The following RAB1A variants were observed in gnomAD, a reference collection of about 807,000 sequenced individuals.
The protein encoded by RAB1A is RAB1A, member RAS oncogene family.
A neutral mutation model predicts 26.0 loss-of-function variants in RAB1A; 2 were observed. The observed-to-expected ratio is 0.08, with a 90% CI of 0.03 to 0.24. The LOEUF (loss-of-function observed/expected upper bound fraction) is 0.24, where lower values mean the gene tolerates loss of function less well. Ranked by LOEUF, RAB1A falls within the 10% of genes least tolerant of loss-of-function variation. RAB1A has a pLI of 1.00. For synonymous variants in RAB1A, 84 were observed against 84.9 expected (o/e 0.99, Z 0.06); for missense variants, 100 against 247.0 (o/e 0.40, Z 3.99).
intron 1 of RAB1A, among the ~76,000 whole-genome samples, chr2:65,112,679 A>AT (rs1208240267): frequency 6.6e-6 from 1 of 152,246 alleles, no homozygotes; most frequent in East Asian, 1.9e-4. Flanking sequence ...TAAGAATGGC[A>AT]TAGAATAAGC....
chr2:65,089,740 T>A (rs1669126085), intron 4 of RAB1A, among the ~76,000 whole-genome samples: 1 of 147,076 alleles, frequency 6.8e-6, no homozygotes, highest in Admixed American at 7.2e-5. Flanking sequence ...TCTTGTTCTG[T>A]CATCCAGGCT....
chr2:65,102,325 T>C (rs933883603), intron 2 of RAB1A, among the ~76,000 whole-genome samples: 3 of 152,132 alleles, frequency 2.0e-5, no homozygotes, highest in Non-Finnish European at 4.4e-5. Flanking sequence ...CTATGTTTTA[T>C]TCTAGTACTC....
intron 2 of RAB1A, among the ~76,000 whole-genome samples, chr2:65,099,565 T>C (rs1669370220): frequency 6.6e-6 from 1 of 152,214 alleles, no homozygotes; most frequent in Admixed American, 6.5e-5. Flanking sequence ...TGCTAGCCAA[T>C]ATGGTAGCCA....
intron 2 of RAB1A, among the ~76,000 whole-genome samples, chr2:65,100,664 A>T (rs1240897515): frequency 6.6e-6 from 1 of 150,772 alleles, no homozygotes; most frequent in African/African-American, 2.4e-5. Flanking sequence ...GGAGACCAAG[A>T]TGGAGAATCG....
At chr2:65,108,121 G>A (rs1669605874) in intron 1 of RAB1A, among the ~76,000 whole-genome samples, 1 of 150,658 alleles carries the variant, frequency 6.6e-6, no homozygotes, top group African/African-American at 2.4e-5. Context: ...AAACATGAAC[G>A]GGGGCCAGGT....
intron 1 of RAB1A, among the ~76,000 whole-genome samples, chr2:65,112,675 T>C (rs2103863359): frequency 6.6e-6 from 1 of 152,318 alleles, no homozygotes; most frequent in African/African-American, 2.4e-5. Context: ...AAGGTAAGAA[T>C]GGCATAGAAT....
At chr2:65,098,292 T>C (rs1016453753) in intron 2 of RAB1A, among the ~76,000 whole-genome samples, 2 of 152,230 alleles carry the variant, frequency 1.3e-5, no homozygotes, top group African/African-American at 2.4e-5. Context: ...ACTACTTAAC[T>C]GTAGTTTCTT....
intron 1 of RAB1A, among the ~76,000 whole-genome samples, chr2:65,123,588 T>C (rs1001015841): frequency 7.2e-5 from 11 of 151,938 alleles, no homozygotes; most frequent in Non-Finnish European, 1.3e-4. Flanking sequence ...TCCCAGCAAT[T>C]TGGCTGAGGT....
intron 1 of RAB1A, among the ~76,000 whole-genome samples, chr2:65,105,192 A>G (rs1023827916): frequency 4.6e-5 from 7 of 152,084 alleles, no homozygotes; most frequent in African/African-American, 1.7e-4. Flanking sequence ...TGCCCATGAA[A>G]TATTAGTCTC....
At chr2:65,120,455 C>CAAAA (rs67617654) in intron 1 of RAB1A, among the ~76,000 whole-genome samples, 6 of 56,628 alleles carry the variant, frequency 1.1e-4, no homozygotes, top group African/African-American at 2.3e-4. Flanking sequence ...CACCTTGTCT[C>CAAAA]AAAAAAAAAA....
intron 1 of RAB1A, among the ~76,000 whole-genome samples, chr2:65,109,413 T>C (rs1208939619): frequency 6.6e-6 from 1 of 151,958 alleles, no homozygotes; most frequent in Non-Finnish European, 1.5e-5. Flanking sequence ...TAGAAACCAA[T>C]AAAAATTTGG....
chr2:65,124,005 T>G (rs1187696850), intron 1 of RAB1A, among the ~76,000 whole-genome samples: 1 of 152,200 alleles, frequency 6.6e-6, no homozygotes, highest in Non-Finnish European at 1.5e-5. Context: ...TTTATTTTTT[T>G]GAGACAGAAT....
chr2:65,089,091 C>T, intron 4 of RAB1A, 21 bp from the exon 5 acceptor site: 1 of 1,587,678 alleles, frequency 6.3e-7, no homozygotes, highest in Non-Finnish European at 8.6e-7. Flanking sequence ...ATTTGAAAGA[C>T]TGATAATATA....
intron 2 of RAB1A, among the ~76,000 whole-genome samples, chr2:65,100,073 T>C (rs1047276062): frequency 6.6e-6 from 1 of 152,098 alleles, no homozygotes; most frequent in African/African-American, 2.4e-5. Context: ...ATTTTGCAGG[T>C]TGATAATGGC....
rs1669085884 is a variant in RAB1A at position 65,088,377 on chromosome 2, A to G, written c.*116T>C. 3.6e-6 allele frequency: 3 copies of G among 836,352 alleles called. No individual in the cohort carries two copies. Among genetic ancestry groups the G allele is most frequent in the African/African-American group, 3.5e-5 (2 of 57,908 alleles). 51.8% of individuals were successfully genotyped at this position (836,352 alleles called of 1,614,324 possible). On this transcript the variant is annotated 3_prime_UTR_variant, in exon 6 of 6. Transcript: ENST00000409784. ...CATTTACAATCTCTGACCTTTGTGG[A>G]GACGGTAAGAATCTGTTGTAGTGCA...
At position 65,103,299 on chromosome 2, in the gene RAB1A, C is replaced by CAAAAA. The variant is rs1201745425; in HGVS notation, c.96+1430_96+1434dup. The stretch of plus-strand genomic sequence containing the variant: ...TTGGCAACACAGCCAGAATCTGTCT[C>CAAAAA]AAAAAAAAAAAAAAACATTGTTTTA... On this transcript the variant is annotated intron_variant, in intron 2 of 5. Coordinates refer to ENST00000409784, the MANE Select transcript of RAB1A (RefSeq NM_004161.5). Among the ~76,000 whole-genome samples, 35 of 44,114 alleles carry CAAAAA rather than the reference C, an allele frequency of 7.9e-4. No homozygotes were observed. In the East Asian group the frequency reaches 9.9e-3, roughly 12 times the overall value. The allele number at this position is 44,114 out of a possible 152,430, so 28.9% of individuals were successfully genotyped here. A position where few individuals can be genotyped will look rare whatever the true frequency, so the allele number is the denominator to read the frequency against.
At chr2:65,093,981 T>TC (rs1669228499) in intron 3 of RAB1A, among the ~76,000 whole-genome samples, 1 of 151,484 alleles carries the variant, frequency 6.6e-6, no homozygotes, top group Non-Finnish European at 1.5e-5. Context: ...TCTTCTTTTT[T>TC]TTTTTTGAAA....
At chr2:65,100,457 G>A (rs1050794529) in intron 2 of RAB1A, among the ~76,000 whole-genome samples, 1 of 148,234 alleles carries the variant, frequency 6.7e-6, no homozygotes, top group Admixed American at 6.8e-5. Context: ...ATAAGTATCA[G>A]GTACTATAGA....
rs1395257696 is a variant in RAB1A, at chr2:65,129,907, G to A, written c.9C>T (p.Ser3=). The stretch of plus-strand genomic sequence containing the variant: ...CCTGAACTCACTATTCGGGATTCAT[G>A]CTGGACATGTCACTGCAGCTGCCGC... MS[S]MNPEYDYLFK... is the part of the protein sequence containing the mutation. The change falls in exon 1 of 6, where the codon AGC becomes AGT. Residue 3 remains serine (S), a synonymous_variant. Coordinates refer to ENST00000409784, the MANE Select transcript of RAB1A (RefSeq NM_004161.5). The A allele has an allele frequency of 6.9e-6, 11 of 1,595,380 alleles. No individual in the cohort carries two copies. The highest frequency in any genetic ancestry group is 7.7e-6 in the Non-Finnish European group (9 of 1,172,178).
Sources: allele counts gnomAD v4.1 joint callset (sites outside exome capture counted in the v4.1 genomes callset), GRCh38; gene constraint gnomAD v4.1.1; transcripts MANE v1.5; gene names NCBI Gene and HGNC (gene_info 2026-07-23, HGNC 2026-07-21).